Variants in PLCL2 observed in about 807,000 individuals in gnomAD.
PLCL2 encodes the protein inactive phospholipase C-like protein 2.
In PLCL2, 4 loss-of-function variants were observed where a neutral mutation model predicts 79.6. The ratio of observed to expected loss-of-function variants is 0.05; its 90% CI spans 0.02 to 0.11. PLCL2 has a LOEUF of 0.11. Ranked by LOEUF, PLCL2 falls within the 10% of genes least tolerant of loss-of-function variation. The probability of loss-of-function intolerance (pLI) is 1.00; values close to 1 mark genes in which losing one functional copy is unlikely to be tolerated. For synonymous variants in PLCL2, 484 were observed against 457.7 expected (o/e 1.06, Z -0.73); for missense variants, 895 against 1,291.0 (o/e 0.69, Z 4.70).
intron 1 of PLCL2, among the ~76,000 whole-genome samples, chr3:16,914,113 T>A (rs1181842327): frequency 6.6e-6 from 1 of 152,186 alleles, no homozygotes. Flanking sequence ...TCTTTCTTCT[T>A]AATTTGGGAC....
intron 4 of PLCL2, among the ~76,000 whole-genome samples, chr3:17,066,803 A>G (rs182760563): frequency 1.2e-4 from 19 of 152,366 alleles, no homozygotes; most frequent in African/African-American, 4.1e-4. Context: ...CACTGTACAT[A>G]GTATGCTACT....
chr3:16,988,705 T>A (rs2064074945), intron 1 of PLCL2, among the ~76,000 whole-genome samples: 1 of 152,160 alleles, frequency 6.6e-6, no homozygotes, highest in East Asian at 1.9e-4. Context: ...TTATCCTGAC[T>A]GAGCAAGCTG....
At chr3:16,992,779 C>A (rs2064117452) in intron 1 of PLCL2, among the ~76,000 whole-genome samples, 1 of 152,146 alleles carries the variant, frequency 6.6e-6, no homozygotes, top group Non-Finnish European at 1.5e-5. Flanking sequence ...GATCCATGCC[C>A]ATGAAGGGGC....
chr3:16,902,869 T>TGA (rs1696659371), intron 1 of PLCL2, among the ~76,000 whole-genome samples: 1 of 146,638 alleles, frequency 6.8e-6, no homozygotes, highest in Admixed American at 6.8e-5. Context: ...TGTGTGTGTG[T>TGA]GTGTGTGTGT....
chr3:17,006,773 T>C (rs7616589), intron 1 of PLCL2, among the ~76,000 whole-genome samples: 23,270 of 152,234 alleles, frequency 0.15, 2,268 homozygotes, highest in Non-Finnish European at 0.2. Context: ...AGCATGGCAA[T>C]GTTCTTAAAG....
chr3:17,064,491 G>A (rs888866343), intron 4 of PLCL2, among the ~76,000 whole-genome samples: 2 of 152,086 alleles, frequency 1.3e-5, no homozygotes, highest in South Asian at 4.1e-4. Context: ...CTTATATAGC[G>A]TATGTGAAGT....
At chr3:16,989,778 C>T (rs969603897) in intron 1 of PLCL2, among the ~76,000 whole-genome samples, 11 of 152,098 alleles carry the variant, frequency 7.2e-5, no homozygotes, top group African/African-American at 1.2e-4. Context: ...CAAACAATAG[C>T]AATAGAAGCA....
At chr3:16,960,171 C>G (rs116407124) in intron 1 of PLCL2, among the ~76,000 whole-genome samples, 1 of 152,210 alleles carries the variant, frequency 6.6e-6, no homozygotes, top group Non-Finnish European at 1.5e-5. Flanking sequence ...CATATCACCA[C>G]TATCATTCAG....
intron 1 of PLCL2, among the ~76,000 whole-genome samples, chr3:16,926,797 A>T (rs1575532650): frequency 1.3e-5 from 2 of 151,902 alleles, no homozygotes; most frequent in East Asian, 3.9e-4. Context: ...ATGGTTGGCT[A>T]ATTTTTTGTA....
At chr3:17,015,118 C>G (rs990675358) in intron 3 of PLCL2, among the ~76,000 whole-genome samples, 2 of 152,202 alleles carry the variant, frequency 1.3e-5, no homozygotes, top group Non-Finnish European at 2.9e-5. Flanking sequence ...CAGAGACACT[C>G]ACCTCAGTTG....
chr3:16,959,257 G>A (rs2063733517), intron 1 of PLCL2, among the ~76,000 whole-genome samples: 1 of 152,086 alleles, frequency 6.6e-6, no homozygotes, highest in Non-Finnish European at 1.5e-5. Context: ...TACAAAACAT[G>A]TTGAACAGGT....
At chr3:16,987,654 C>G (rs2064064324) in intron 1 of PLCL2, among the ~76,000 whole-genome samples, 1 of 152,098 alleles carries the variant, frequency 6.6e-6, no homozygotes, top group African/African-American at 2.4e-5. Context: ...AGTAAGTTTT[C>G]TAATGACTAA....
intron 1 of PLCL2, among the ~76,000 whole-genome samples, chr3:16,951,756 A>G (rs1320720171): frequency 6.6e-6 from 1 of 151,848 alleles, no homozygotes; most frequent in Non-Finnish European, 1.5e-5. Context: ...TCACTTTTTT[A>G]CTTTGACCTA....
intron 3 of PLCL2, among the ~76,000 whole-genome samples, chr3:17,016,058 T>C (rs2064380051): frequency 6.6e-6 from 1 of 152,226 alleles, no homozygotes; most frequent in South Asian, 2.1e-4. Context: ...TGAACAAAAG[T>C]AATCAGATAT....
At chr3:17,086,931 A>G (rs1245644457) in intron 5 of PLCL2, among the ~76,000 whole-genome samples, 2 of 152,262 alleles carry the variant, frequency 1.3e-5, no homozygotes, top group Non-Finnish European at 2.9e-5. Flanking sequence ...AGGAAATTAT[A>G]TATTAAAACA....
chr3:16,928,907 A>T (rs548390079), intron 1 of PLCL2, among the ~76,000 whole-genome samples: 1 of 152,118 alleles, frequency 6.6e-6, no homozygotes, highest in African/African-American at 2.4e-5. Context: ...CTTGGCAAAA[A>T]TCCATTTCAG....
intron 1 of PLCL2, among the ~76,000 whole-genome samples, chr3:16,912,083 C>T (rs1460101500): frequency 1.3e-5 from 2 of 152,132 alleles, no homozygotes; most frequent in Non-Finnish European, 2.9e-5. Flanking sequence ...CTTCTGGTTC[C>T]AAGCATTCCA....
intron 2 of PLCL2, among the ~76,000 whole-genome samples, chr3:17,012,895 G>A (rs1380542092): frequency 6.6e-6 from 1 of 152,170 alleles, no homozygotes; most frequent in African/African-American, 2.4e-5. Context: ...GAGAAGTGGT[G>A]TGTGTGTGAT....
At chr3:16,994,010 A>G (rs1007218925) in intron 1 of PLCL2, among the ~76,000 whole-genome samples, 2 of 152,204 alleles carry the variant, frequency 1.3e-5, no homozygotes, top group African/African-American at 2.4e-5. Context: ...ATTTTCTCTC[A>G]GTAGATGGGA....
Sources: allele counts gnomAD v4.1 joint callset (sites outside exome capture counted in the v4.1 genomes callset), GRCh38; gene constraint gnomAD v4.1.1; transcripts MANE v1.5; gene names NCBI Gene and HGNC (gene_info 2026-07-23, HGNC 2026-07-21).